Variants in CPT1A observed in about 807,000 individuals in gnomAD.
CPT1A encodes the protein carnitine palmitoyltransferase 1A.
Under a neutral mutation model 100.8 loss-of-function variants are expected in CPT1A, and 64 were observed. That is an observed-to-expected ratio of 0.63 (90% confidence interval 0.52 to 0.78). The LOEUF is 0.78. Among genes scored for constraint, CPT1A ranks in the 30% least tolerant of loss-of-function variants. The pLI is 0.00. For synonymous variants in CPT1A, 363 were observed against 396.0 expected (o/e 0.92, Z 0.99); for missense variants, 802 against 1,034.1 (o/e 0.78, Z 3.08).
At chr11:68,823,825 C>T (rs1314081846) in intron 1 of CPT1A, among the ~76,000 whole-genome samples, 1 of 150,948 alleles carries the variant, frequency 6.6e-6, no homozygotes, top group East Asian at 1.9e-4. Context: ...AAATCATGTC[C>T]CTTGCAGTAA....
chr11:68,812,710 G>C, intron 2 of CPT1A, 134 bp from the exon 3 acceptor site: 1 of 970,038 alleles, frequency 1.0e-6, no homozygotes. Context: ...TGCGTGCACT[G>C]AGAAACCACA....
chr11:68,775,001 T>C (rs1046198051), intron 13 of CPT1A, among the ~76,000 whole-genome samples: 3 of 152,064 alleles, frequency 2.0e-5, no homozygotes, highest in Non-Finnish European at 4.4e-5. Context: ...CTCTAACCTA[T>C]GTGATTTTGG....
At chr11:68,793,757 A>G (rs1227043808) in intron 8 of CPT1A, among the ~76,000 whole-genome samples, 1 of 151,890 alleles carries the variant, frequency 6.6e-6, no homozygotes, top group Non-Finnish European at 1.5e-5. Flanking sequence ...AAAAAAAAAA[A>G]AAAAAGAAAA....
rs200974113 is a variant in CPT1A at position 68,800,482 on chromosome 11, CA to C, written c.556-1128del. ...CCCTGGGCAACAGAGTGAGACCCCC[CA>C]TCTCTGCAAAAAAAAAAAAAAAAAA... On this transcript the variant is annotated intron_variant, in intron 5 of 18. Transcript: ENST00000265641. Among the ~76,000 whole-genome samples the C allele has an allele frequency of 5.3e-3, 767 of 144,952 alleles. 12 individuals carry two copies. The highest frequency in any genetic ancestry group is 0.018 in the African/African-American group (688 of 38,470).
intron 17 of CPT1A, among the ~76,000 whole-genome samples, chr11:68,759,898 G>C (rs1292018872): frequency 6.6e-6 from 1 of 151,926 alleles, no homozygotes; most frequent in Non-Finnish European, 1.5e-5. Context: ...AATTAGCTGG[G>C]CATGGTGGCA....
chr11:68,767,612 G>A (rs1163234620), intron 14 of CPT1A, among the ~76,000 whole-genome samples: 9 of 152,068 alleles, frequency 5.9e-5, no homozygotes, highest in African/African-American at 2.2e-4. Context: ...ACATATATAT[G>A]CCTTAGACAT....
rs1403471770 is a variant in CPT1A, at chr11:68,830,310, G to C, written c.-14+11465C>G. 2.0e-5 allele frequency among the ~76,000 whole-genome samples: 3 copies of C among 152,214 alleles called. No individual in the cohort carries two copies. The East Asian group carries it at 5.8e-4, about 29-fold the overall frequency. On this transcript the variant is annotated intron_variant, in intron 1 of 18. Coordinates refer to ENST00000265641, the MANE Select transcript of CPT1A (RefSeq NM_001876.4). Reference sequence around the variant, plus strand: ...ATAAAAGAAAGGCTGAGTGGGGTTGGGGGATTGGGGGTGGAGATCGCCCAC... The same window carrying C: ...ATAAAAGAAAGGCTGAGTGGGGTTGCGGGATTGGGGGTGGAGATCGCCCAC...
At chr11:68,800,625 C>T (rs1566367679) in intron 5 of CPT1A, among the ~76,000 whole-genome samples, 1 of 151,760 alleles carries the variant, frequency 6.6e-6, no homozygotes, top group African/African-American at 2.4e-5. Flanking sequence ...ATGATCACAC[C>T]ACTGCATTCC....
At chr11:68,833,836 C>G (rs1856943237) in intron 1 of CPT1A, among the ~76,000 whole-genome samples, 1 of 151,824 alleles carries the variant, frequency 6.6e-6, no homozygotes, top group African/African-American at 2.4e-5. Flanking sequence ...GTTTCATGTA[C>G]AAGAAAGGTG....
At position 68,755,016 on chromosome 11, in the gene CPT1A, G is replaced by A. The variant is rs1946665024; in HGVS notation, c.*2628C>T. 1.6e-6 allele frequency: 1 copy of A among 613,800 alleles called. No individual in the cohort carries two copies. Among genetic ancestry groups the A allele is most frequent in the African/African-American group, 1.8e-5 (1 of 54,454 alleles). The allele number at this position is 613,800 out of a possible 1,614,324, so 38.0% of individuals were successfully genotyped here. A position where few individuals can be genotyped will look rare whatever the true frequency, so the allele number is the denominator to read the frequency against. ...AAGATAACAAATTCAAACCATGGCT[G>A]CGTTAAGACAATGGTTTGTTCCAAT... On this transcript the variant is annotated 3_prime_UTR_variant, in exon 19 of 19. Transcript: ENST00000265641.
At chr11:68,800,959 T>C (rs1415957779) in intron 5 of CPT1A, among the ~76,000 whole-genome samples, 1 of 151,158 alleles carries the variant, frequency 6.6e-6, no homozygotes, top group Admixed American at 6.6e-5. Context: ...TACAAGAAAG[T>C]ATTTGCAGGC....
chr11:68,810,628 C>T (rs1856175754), intron 3 of CPT1A, among the ~76,000 whole-genome samples: 1 of 152,134 alleles, frequency 6.6e-6, no homozygotes, highest in African/African-American at 2.4e-5. Context: ...GGAATCAGGG[C>T]ACTTGCTCAA....
chr11:68,823,171 GC>G (rs1375176255), intron 1 of CPT1A, among the ~76,000 whole-genome samples: 4 of 151,928 alleles, frequency 2.6e-5, no homozygotes, highest in African/African-American at 9.7e-5. Context: ...GATCACTTGA[GC>G]CTGGAAGTTC....
At chr11:68,815,558 G>A in intron 1 of CPT1A, 71 bp from the exon 2 acceptor site, 1 of 1,464,372 alleles carries the variant, frequency 6.8e-7, no homozygotes, top group Admixed American at 1.7e-5. Context: ...TCATACAGAA[G>A]TGCCATTCCT....
intron 13 of CPT1A, 70 bp downstream of exon 13, chr11:68,775,246 T>C (rs1260840571): frequency 2.3e-6 from 3 of 1,300,556 alleles, no homozygotes; most frequent in East Asian, 4.6e-5. Context: ...GGTTGGAAAA[T>C]TCATCTGTAA....
At chr11:68,763,040 G>C (rs934837795) in intron 14 of CPT1A, among the ~76,000 whole-genome samples, 1 of 152,054 alleles carries the variant, frequency 6.6e-6, no homozygotes, top group African/African-American at 2.4e-5. Flanking sequence ...TGTAGAGACA[G>C]GGTTTCACCA....
chr11:68,754,702 G>T, downstream of CPT1A: 1 of 729,682 alleles, frequency 1.4e-6, no homozygotes, highest in Non-Finnish European at 2.6e-6. Flanking sequence ...ATGAATAAAT[G>T]CACAGCAAGT....
chr11:68,772,555 G>A (rs553600141), intron 14 of CPT1A, among the ~76,000 whole-genome samples: 18 of 152,170 alleles, frequency 1.2e-4, no homozygotes, highest in African/African-American at 3.9e-4. Context: ...AGAAAAGGGA[G>A]ATGGAAATGC....
At chr11:68,825,878 C>T (rs1047484527) in intron 1 of CPT1A, among the ~76,000 whole-genome samples, 3 of 152,274 alleles carry the variant, frequency 2.0e-5, no homozygotes, top group African/African-American at 4.8e-5. Context: ...GAAACAAAGC[C>T]GGGGGACTGC....
Sources: allele counts gnomAD v4.1 joint callset (sites outside exome capture counted in the v4.1 genomes callset), GRCh38; gene constraint gnomAD v4.1.1; transcripts MANE v1.5; gene names NCBI Gene and HGNC (gene_info 2026-07-23, HGNC 2026-07-21).